Variants in RORB observed in about 807,000 individuals in gnomAD.
RORB encodes nuclear receptor ROR-beta.
RORB carries 6 observed loss-of-function variants against 59.1 expected under a neutral mutation model. The observed-to-expected ratio is 0.10, with a 90% CI of 0.06 to 0.20. The LOEUF (loss-of-function observed/expected upper bound fraction) is 0.20. RORB is among the 10% of genes least tolerant of loss of function. The pLI is 1.00. For synonymous variants in RORB, 215 were observed against 204.5 expected (o/e 1.05, Z -0.44); for missense variants, 320 against 560.5 (o/e 0.57, Z 4.33).
At chr9:74,550,463 A>G (rs1479652482) in intron 1 of RORB, among the ~76,000 whole-genome samples, 3 of 152,230 alleles carry the variant, frequency 2.0e-5, no homozygotes, top group South Asian at 2.1e-4. Context: ...TGAAAGCTCT[A>G]CAAGTGGTCT....
intron 3 of RORB, among the ~76,000 whole-genome samples, chr9:74,635,928 A>G (rs538077674): frequency 6.6e-6 from 1 of 150,504 alleles, no homozygotes; most frequent in South Asian, 2.1e-4. Flanking sequence ...TGTCCTGCAG[A>G]AAAGTACACC....
rs138264521 is a variant in RORB at position 74,619,711 on chromosome 9, A to T, written c.8-10571A>T. ...ATGATCTGCCCACCTCAGCCTCCCA[A>T]AGTGCTGGAATTACAGGAGTTGGTT... is the stretch of plus-strand genomic sequence containing the variant. On this transcript the variant is annotated intron_variant, in intron 1 of 9. Transcript: ENST00000376896. Among the ~76,000 whole-genome samples the T allele has an allele frequency of 5.6e-3, 856 of 152,222 alleles. 14 individuals carry two copies. The highest frequency in any genetic ancestry group is 0.02 in the African/African-American group (813 of 41,530).
chr9:74,513,520 T>C (rs998640987), intron 1 of RORB, among the ~76,000 whole-genome samples: 1 of 152,062 alleles, frequency 6.6e-6, no homozygotes, highest in South Asian at 2.1e-4. Context: ...TAATTCAATC[T>C]AGAAGGAATT....
intron 8 of RORB, 45 bp from the exon 9 acceptor site, chr9:74,671,744 A>G: frequency 7.9e-7 from 1 of 1,260,916 alleles, no homozygotes; most frequent in African/African-American, 1.5e-5. Flanking sequence ...GTGAAGCAAA[A>G]CAAAGTTGAT....
At chr9:74,538,140 A>G (rs907410752) in intron 1 of RORB, among the ~76,000 whole-genome samples, 6 of 152,128 alleles carry the variant, frequency 3.9e-5, no homozygotes, top group African/African-American at 1.4e-4. Flanking sequence ...GTCACATGCT[A>G]TACATGTTTG....
intron 1 of RORB, among the ~76,000 whole-genome samples, chr9:74,528,106 C>T (rs960752305): frequency 6.6e-6 from 1 of 151,864 alleles, no homozygotes; most frequent in Admixed American, 6.6e-5. Context: ...TTCCCTAAAC[C>T]TCAGTGGCAT....
chr9:74,521,852 G>A (rs974052836), intron 1 of RORB, among the ~76,000 whole-genome samples: 3 of 151,712 alleles, frequency 2.0e-5, no homozygotes, highest in Non-Finnish European at 4.4e-5. Flanking sequence ...ATGAAAGTAT[G>A]GTTAGCCTCT....
At chr9:74,625,224 TG>T (rs765957348) in intron 1 of RORB, among the ~76,000 whole-genome samples, 57 of 152,286 alleles carry the variant, frequency 3.7e-4, no homozygotes, top group Admixed American at 7.2e-4. Flanking sequence ...CTCATTTAAT[TG>T]CCAATGGGTG....
intron 1 of RORB, among the ~76,000 whole-genome samples, chr9:74,608,283 G>A (rs1316351917): frequency 6.6e-6 from 1 of 151,992 alleles, no homozygotes; most frequent in Non-Finnish European, 1.5e-5. Context: ...GCTAGTTTCT[G>A]GGCCGGGAGC....
chr9:74,520,591 C>T (rs1353976872), intron 1 of RORB, among the ~76,000 whole-genome samples: 1 of 151,606 alleles, frequency 6.6e-6, no homozygotes, highest in African/African-American at 2.4e-5. Context: ...TTATTAAATT[C>T]AGATGATAGT....
intron 1 of RORB, among the ~76,000 whole-genome samples, chr9:74,501,582 T>C (rs1825804242): frequency 6.6e-6 from 1 of 152,232 alleles, no homozygotes; most frequent in African/African-American, 2.4e-5. Flanking sequence ...AATGTAATTA[T>C]TCAAACAGTT....
At chr9:74,662,385 G>A (rs1009049357) in intron 5 of RORB, 89 bp from the exon 6 acceptor site, 82 of 1,294,338 alleles carry the variant, frequency 6.3e-5, no homozygotes, top group Non-Finnish European at 2.2e-6. Flanking sequence ...CCAAGTGACA[G>A]ATAAGCACCA....
chr9:74,544,196 C>G (rs1587352006), intron 1 of RORB, among the ~76,000 whole-genome samples: 1 of 152,268 alleles, frequency 6.6e-6, no homozygotes, highest in Middle Eastern at 3.4e-3. Flanking sequence ...TCTGTTTGCT[C>G]CATTCTCTAT....
At chr9:74,596,731 C>T (rs1349174908) in intron 1 of RORB, among the ~76,000 whole-genome samples, 3 of 152,192 alleles carry the variant, frequency 2.0e-5, no homozygotes, top group African/African-American at 7.2e-5. Flanking sequence ...CATGCTTCCC[C>T]TGCTTATTGG....
intron 1 of RORB, among the ~76,000 whole-genome samples, chr9:74,551,625 C>A (rs1446401920): frequency 6.6e-6 from 1 of 152,158 alleles, no homozygotes; most frequent in Admixed American, 6.5e-5. Flanking sequence ...CAGATTGGGG[C>A]AGACTACTAT....
chr9:74,511,838 C>T (rs979540276), intron 1 of RORB, among the ~76,000 whole-genome samples: 2 of 150,992 alleles, frequency 1.3e-5, no homozygotes, highest in Non-Finnish European at 2.9e-5. Context: ...TATCAAGGAT[C>T]TATTATGCAC....
chr9:74,630,861 A>G (rs1823606555), intron 2 of RORB, among the ~76,000 whole-genome samples: 1 of 151,790 alleles, frequency 6.6e-6, no homozygotes, highest in Non-Finnish European at 1.5e-5. Context: ...GAAAACTGGA[A>G]GCATGGTATG....
At chr9:74,530,823 A>G (rs1033749741) in intron 1 of RORB, among the ~76,000 whole-genome samples, 4 of 151,956 alleles carry the variant, frequency 2.6e-5, no homozygotes, top group Non-Finnish European at 5.9e-5. Context: ...TGCTGCACCC[A>G]TTAACTCGTC....
chr9:74,648,246 C>T (rs1027066889), intron 4 of RORB, among the ~76,000 whole-genome samples: 2 of 152,168 alleles, frequency 1.3e-5, no homozygotes, highest in African/African-American at 4.8e-5. Context: ...CTCTCTCACC[C>T]CCACCCCAAC....
Sources: allele counts gnomAD v4.1 joint callset (sites outside exome capture counted in the v4.1 genomes callset), GRCh38; gene constraint gnomAD v4.1.1; transcripts MANE v1.5; gene names NCBI Gene and HGNC (gene_info 2026-07-23, HGNC 2026-07-21).